ASIC2: variants seen among roughly 807,000 people sequenced by gnomAD.
The protein encoded by ASIC2 is acid sensing ion channel subunit 2.
Under a neutral mutation model 57.3 loss-of-function variants are expected in ASIC2, and 25 were observed. The ratio of observed to expected loss-of-function variants is 0.44; its 90% CI spans 0.32 to 0.61. The LOEUF (loss-of-function observed/expected upper bound fraction) is 0.61. Among genes scored for constraint, ASIC2 ranks in the 20% least tolerant of loss-of-function variants. The probability of loss-of-function intolerance (pLI) is 0.06; values close to 1 mark genes in which losing one functional copy is unlikely to be tolerated. For synonymous variants in ASIC2, 319 were observed against 307.5 expected (o/e 1.04, Z -0.39); for missense variants, 641 against 738.1 (o/e 0.87, Z 1.52).
chr17:33,823,100 A>G (rs1038336345), intron 1 of ASIC2, among the ~76,000 whole-genome samples: 2 of 152,188 alleles, frequency 1.3e-5, no homozygotes, highest in Non-Finnish European at 2.9e-5. Flanking sequence ...GTGGCTGTGT[A>G]TCCTATAGAC....
upstream of ASIC2, among the ~76,000 whole-genome samples, chr17:33,297,381 C>T (rs910327141): frequency 2.0e-5 from 3 of 152,070 alleles, no homozygotes; most frequent in African/African-American, 4.8e-5. Context: ...GGCTCTTGAC[C>T]GTCCCCTTGC....
chr17:33,040,190 G>A (rs1197625552), intron 3 of ASIC2, among the ~76,000 whole-genome samples: 1 of 152,232 alleles, frequency 6.6e-6, no homozygotes, highest in East Asian at 1.9e-4. Flanking sequence ...GTTGGCTCAG[G>A]GAGTGCAGTG....
intron 1 of ASIC2, among the ~76,000 whole-genome samples, chr17:33,803,424 A>C (rs1303739658): frequency 1.3e-5 from 2 of 152,066 alleles, no homozygotes; most frequent in Non-Finnish European, 2.9e-5. Flanking sequence ...TCTTAAGTGC[A>C]CTTTCAGTAT....
chr17:33,541,985 T>A (rs891025142), intron 1 of ASIC2, among the ~76,000 whole-genome samples: 5 of 152,220 alleles, frequency 3.3e-5, no homozygotes, highest in Non-Finnish European at 5.9e-5. Context: ...ATGGGAATAA[T>A]GAAAGTTTCT....
At chr17:34,015,894 G>A (rs1412357398) in intron 1 of ASIC2, among the ~76,000 whole-genome samples, 1 of 152,168 alleles carries the variant, frequency 6.6e-6, no homozygotes, top group African/African-American at 2.4e-5. Context: ...ATAAAATGGG[G>A]AGATGACCAA....
chr17:33,110,724 G>C (rs566623440), intron 2 of ASIC2, among the ~76,000 whole-genome samples: 5 of 152,290 alleles, frequency 3.3e-5, no homozygotes, highest in Admixed American at 3.3e-4. Flanking sequence ...GTAAGCCTGG[G>C]TATGGTGAGT....
intron 1 of ASIC2, among the ~76,000 whole-genome samples, chr17:33,117,767 T>C (rs954066095): frequency 1.3e-5 from 2 of 152,238 alleles, no homozygotes; most frequent in African/African-American, 2.4e-5. Flanking sequence ...GGTTACATAA[T>C]GGACATCTTT....
chr17:33,466,028 A>G (rs1005686577), intron 1 of ASIC2, among the ~76,000 whole-genome samples: 4 of 152,298 alleles, frequency 2.6e-5, no homozygotes, highest in African/African-American at 9.6e-5. Flanking sequence ...GGGATGGGAG[A>G]TTTAAGTAGG....
At chr17:33,783,290 A>T (rs1054842678) in intron 1 of ASIC2, among the ~76,000 whole-genome samples, 5 of 152,236 alleles carry the variant, frequency 3.3e-5, no homozygotes, top group Non-Finnish European at 5.9e-5. Flanking sequence ...CCTAGGTTCA[A>T]ATCATCCCTT....
At chr17:33,923,400 C>G (rs1915751158) in intron 1 of ASIC2, among the ~76,000 whole-genome samples, 1 of 152,148 alleles carries the variant, frequency 6.6e-6, no homozygotes, top group Non-Finnish European at 1.5e-5. Context: ...TTATTCATCA[C>G]CCAGTCCAAG....
At chr17:33,746,420 A>C (rs1910267505) in intron 1 of ASIC2, among the ~76,000 whole-genome samples, 2 of 142,572 alleles carry the variant, frequency 1.4e-5, no homozygotes, top group Non-Finnish European at 3.1e-5. Flanking sequence ...ATATCTGTAG[A>C]TACGTATATG....
intron 1 of ASIC2, among the ~76,000 whole-genome samples, chr17:33,505,223 C>T (rs116812406): frequency 0.017 from 2,520 of 152,056 alleles, 65 homozygotes; most frequent in African/African-American, 0.057. Flanking sequence ...TCCAGAGGGT[C>T]AGAGCAACAA....
At chr17:33,097,369 T>G (rs1297337469) in intron 2 of ASIC2, among the ~76,000 whole-genome samples, 1 of 152,232 alleles carries the variant, frequency 6.6e-6, no homozygotes, top group Non-Finnish European at 1.5e-5. Context: ...CATTTTATTT[T>G]TTTACATCAT....
chr17:33,378,077 A>G (rs1247974066), intron 1 of ASIC2, among the ~76,000 whole-genome samples: 1 of 152,204 alleles, frequency 6.6e-6, no homozygotes, highest in Non-Finnish European at 1.5e-5. Context: ...TATGCATGGC[A>G]TAGAGGCTGT....
At chr17:33,901,724 A>G (rs980232799) in intron 1 of ASIC2, among the ~76,000 whole-genome samples, 2 of 152,180 alleles carry the variant, frequency 1.3e-5, no homozygotes, top group African/African-American at 4.8e-5. Flanking sequence ...CTGATGGCAT[A>G]GAAAATCTTG....
At chr17:33,601,540 A>G (rs949528665) in intron 1 of ASIC2, among the ~76,000 whole-genome samples, 1 of 152,222 alleles carries the variant, frequency 6.6e-6, no homozygotes, top group African/African-American at 2.4e-5. Flanking sequence ...TGCAGAAAGC[A>G]AAGCTGTGGA....
chr17:33,477,990 T>C (rs1392865637), intron 1 of ASIC2, among the ~76,000 whole-genome samples: 2 of 152,194 alleles, frequency 1.3e-5, no homozygotes, highest in Non-Finnish European at 2.9e-5. Flanking sequence ...GAGGCCAAAC[T>C]GCAGGTAACT....
At chr17:34,139,464 A>T (rs1365178578) in intron 1 of ASIC2, among the ~76,000 whole-genome samples, 5 of 152,238 alleles carry the variant, frequency 3.3e-5, no homozygotes, top group Non-Finnish European at 7.3e-5. Context: ...ATTGCCAAAA[A>T]ATGGAAATGA....
In ASIC2 at chr17:33,507,057, G is replaced by A. The variant is rs187124833; in HGVS notation, c.556-394990C>T. Among the ~76,000 whole-genome samples, 120 of 152,282 alleles carry A rather than the reference G, an allele frequency of 7.9e-4. 3 individuals are homozygous for A. In the East Asian group the frequency reaches 0.019, roughly 24 times the overall value. ...TTCACTGGGGCAGGGTCAAGGGGCCGGGAACACTTGGACAAGCTGCTCGGC... is the reference window on the plus strand; with the variant it reads ...TTCACTGGGGCAGGGTCAAGGGGCCAGGAACACTTGGACAAGCTGCTCGGC... On this transcript the variant is annotated intron_variant, in intron 1 of 9. Coordinates refer to the ASIC2 transcript ENST00000359872.
Sources: gnomAD v4.1 joint callset for allele counts (sites outside exome capture counted in the v4.1 genomes callset) on GRCh38, gnomAD v4.1.1 for gene constraint, MANE v1.5 for transcripts, NCBI Gene and HGNC (gene_info 2026-07-23, HGNC 2026-07-21) for gene names.